TRPM6: variants seen among roughly 807,000 people sequenced by gnomAD.
TRPM6 encodes channel kinase 2.
A neutral mutation model predicts 247.6 loss-of-function variants in TRPM6; 111 were observed. That is an observed-to-expected ratio of 0.45 (90% CI 0.38 to 0.52). The LOEUF is 0.52. Among genes scored for constraint, TRPM6 ranks in the 20% least tolerant of loss-of-function variants. TRPM6 has a pLI of 0.00. For missense variants in TRPM6, 2,126 were observed against 2,421.5 expected (o/e 0.88, Z 2.56); for synonymous variants, 892 against 853.8 (o/e 1.04, Z -0.78).
intron 12 of TRPM6, among the ~76,000 whole-genome samples, chr9:74,811,900 A>G (rs1828742225): frequency 6.6e-6 from 1 of 152,216 alleles, no homozygotes; most frequent in African/African-American, 2.4e-5. Flanking sequence ...AGAAGAGTGC[A>G]GAAGGGAGCT....
At chr9:74,735,355 T>A (rs1273912733) in intron 36 of TRPM6, among the ~76,000 whole-genome samples, 1 of 152,128 alleles carries the variant, frequency 6.6e-6, no homozygotes, top group Non-Finnish European at 1.5e-5. Flanking sequence ...TGTCAGGTAA[T>A]ATGCAGCAAC....
At chr9:74,881,186 A>G (rs563739125) in intron 1 of TRPM6, among the ~76,000 whole-genome samples, 1 of 152,218 alleles carries the variant, frequency 6.6e-6, no homozygotes, top group African/African-American at 2.4e-5. Context: ...CCTGTAAGAA[A>G]CTCATCTCAC....
chr9:74,840,113 G>C lies in TRPM6; in HGVS notation c.455C>G (p.Pro152Arg). 1 of 1,613,940 alleles carries C rather than the reference G, an allele frequency of 6.2e-7. No homozygotes were observed. The highest frequency in any genetic ancestry group is 2.2e-5 in the East Asian group (1 of 44,862). Residue 152 changes from proline (P) to arginine (R), a missense_variant, in exon 5 of 39, where the codon CCC (proline) becomes CGC (arginine). By Grantham distance (103) the Pro-to-Arg change is moderately radical. Coordinates refer to ENST00000360774, the MANE Select transcript of TRPM6 (RefSeq NM_017662.5). ...GCTGAAAATCTCTTTAAATTTAGAG[G>C]GCATAGTAAAGTTCTGGATGCCCCC... is the stretch of plus-strand genomic sequence containing the variant. ...VHGGIQNFTM[P>R]SKFKEIFSQG...
intron 1 of TRPM6, among the ~76,000 whole-genome samples, chr9:74,872,623 T>TGTGC (rs1032728759): frequency 6.6e-6 from 1 of 151,672 alleles, no homozygotes; most frequent in Admixed American, 6.6e-5. Flanking sequence ...TGTGTGTGTG[T>TGTGC]GCATGCGCGC....
chr9:74,885,117 T>C (rs545259370), intron 1 of TRPM6, among the ~76,000 whole-genome samples: 35 of 152,294 alleles, frequency 2.3e-4, no homozygotes, highest in African/African-American at 8.4e-4. Flanking sequence ...TGGTGAAAAC[T>C]TTGCAAACAC....
At chr9:74,808,273 A>AT in intron 13 of TRPM6, 99 bp from the exon 14 acceptor site, 3 of 1,439,268 alleles carry the variant, frequency 2.1e-6, no homozygotes, top group Non-Finnish European at 2.9e-6. Flanking sequence ...GCAAGAAGGT[A>AT]GACATACCTT....
chr9:74,824,411 C>T (rs1829254084), intron 7 of TRPM6, among the ~76,000 whole-genome samples: 2 of 150,400 alleles, frequency 1.3e-5, no homozygotes, highest in Non-Finnish European at 3.0e-5. Flanking sequence ...CTCAGCCTCC[C>T]AAAGTGCTGG....
intron 1 of TRPM6, among the ~76,000 whole-genome samples, chr9:74,884,494 T>G (rs539874591): frequency 1.5e-5 from 2 of 132,956 alleles, no homozygotes; most frequent in Non-Finnish European, 3.2e-5. Context: ...GTCTCAAAAA[T>G]AAATACATAT....
At chr9:74,771,666 T>G (rs1212372407) in intron 25 of TRPM6, 37 bp downstream of exon 25, 1 of 1,606,510 alleles carries the variant, frequency 6.2e-7, no homozygotes, top group Non-Finnish European at 8.5e-7. Flanking sequence ...CACGTTGTGT[T>G]AGTGGTTTCA....
Position 74,887,911 on chromosome 9 carries a change from G to A in TRPM6, c.-55C>T, listed in dbSNP as rs368367817. 1.6e-4 allele frequency: 257 copies of A among 1,605,494 alleles called. No individual in the cohort carries two copies. The highest frequency in any genetic ancestry group is 2.0e-4 in the Non-Finnish European group (238 of 1,172,700). On this transcript the variant is annotated 5_prime_UTR_variant, in exon 1 of 39. Transcript: ENST00000360774. ...CCTGTCTGAGCTTTTAACTGTGGAG[G>A]CAGAAACTCTGGGCTCCACCTCCAC...
At chr9:74,844,156 G>T (rs917819191) in intron 3 of TRPM6, among the ~76,000 whole-genome samples, 1 of 152,172 alleles carries the variant, frequency 6.6e-6, no homozygotes, top group Non-Finnish European at 1.5e-5. Flanking sequence ...TTTTGGCATG[G>T]TAAATGAGGG....
chr9:74,796,663 T>C (rs1326385834), intron 18 of TRPM6, 78 bp downstream of exon 18: 4 of 1,465,312 alleles, frequency 2.7e-6, no homozygotes, highest in Non-Finnish European at 3.8e-6. Context: ...GATGGCTATA[T>C]AAGTAAACTT....
chr9:74,776,218 A>G (rs1369267978), intron 23 of TRPM6, 142 bp from the exon 24 acceptor site: 3 of 741,842 alleles, frequency 4.0e-6, no homozygotes, highest in Admixed American at 2.0e-5. Flanking sequence ...CGTGTTTACA[A>G]TTCTTCTTCC....
At chr9:74,856,389 A>G (rs547481325) in intron 2 of TRPM6, among the ~76,000 whole-genome samples, 1 of 152,158 alleles carries the variant, frequency 6.6e-6, no homozygotes, top group Non-Finnish European at 1.5e-5. Flanking sequence ...TCAGTAAGCC[A>G]AGATCATGCC....
intron 1 of TRPM6, among the ~76,000 whole-genome samples, chr9:74,860,950 G>C (rs954442): frequency 0.18 from 26,678 of 152,026 alleles, 2,439 homozygotes; most frequent in East Asian, 0.28. Flanking sequence ...TAAGCCCAAG[G>C]AAGTCGAGGC....
chr9:74,749,313 G>A (rs149952454), intron 30 of TRPM6, among the ~76,000 whole-genome samples: 89 of 152,242 alleles, frequency 5.8e-4, no homozygotes, highest in African/African-American at 1.6e-3. Context: ...ACTTTTCAGC[G>A]CTGCAAGTGT....
chr9:74,748,089 A>G (rs2118773583), intron 30 of TRPM6, among the ~76,000 whole-genome samples, 175 bp from the exon 31 acceptor site: 1 of 152,324 alleles, frequency 6.6e-6, no homozygotes, highest in Non-Finnish European at 1.5e-5. Context: ...AACAGACAGC[A>G]TATATTACAA....
intron 24 of TRPM6, among the ~76,000 whole-genome samples, chr9:74,774,844 A>G (rs113998309): frequency 0.027 from 4,117 of 152,360 alleles, 182 homozygotes; most frequent in African/African-American, 0.091. Context: ...TAAAGAGAAT[A>G]AATGGCTTCG....
chr9:74,833,883 G>A (rs1284879800), intron 6 of TRPM6, 115 bp downstream of exon 6: 51 of 1,383,294 alleles, frequency 3.7e-5, no homozygotes, highest in Non-Finnish European at 5.0e-5. Flanking sequence ...TCAGGAGTTG[G>A]TAGTGAATAT....
Sources: gnomAD v4.1 joint callset for allele counts (sites outside exome capture counted in the v4.1 genomes callset) on GRCh38, gnomAD v4.1.1 for gene constraint, MANE v1.5 for transcripts, NCBI Gene and HGNC (gene_info 2026-07-23, HGNC 2026-07-21) for gene names.